The following BIN2 variants were observed in gnomAD, a reference collection of about 807,000 sequenced individuals.
BIN2 encodes breast cancer associated protein BRAP1.
In BIN2, 43 loss-of-function variants were observed where a neutral mutation model predicts 67.9. That is an observed-to-expected ratio of 0.63 (90% CI 0.50 to 0.82). BIN2 has a LOEUF of 0.82. Among genes scored for constraint, BIN2 ranks in the 40% least tolerant of loss-of-function variants. The pLI is 0.00. For synonymous variants in BIN2, 244 were observed against 246.8 expected (o/e 0.99, Z 0.11); for missense variants, 581 against 671.6 (o/e 0.87, Z 1.49).
intron 10 of BIN2, among the ~76,000 whole-genome samples, chr12:51,288,825 C>T (rs1945311430): frequency 6.6e-6 from 1 of 151,194 alleles, no homozygotes; most frequent in Non-Finnish European, 1.5e-5. Flanking sequence ...TCTTGGCTTA[C>T]TGCAACTTCT....
chr12:51,302,690 A>G lies in BIN2; in HGVS notation c.308T>C (p.Val103Ala), dbSNP rs760014450. 35 of 1,613,142 alleles carry G rather than the reference A, an allele frequency of 2.2e-5. No individual in the cohort carries two copies. Among genetic ancestry groups the G allele is most frequent in the Non-Finnish European group, 3.0e-5 (35 of 1,179,274 alleles). Residue 103 changes from valine to alanine, a missense_variant, in exon 4 of 13, where the codon GTA becomes GCA. Physicochemically the swap from Val to Ala is moderately conservative, Grantham distance 64. Transcript: ENST00000615107. ...TAAAACTCAAGCCACTCTTACCCATACGATGGCCTTCAGCTCCTCATGACC... is the reference window on the plus strand; with the variant it reads ...TAAAACTCAAGCCACTCTTACCCATGCGATGGCCTTCAGCTCCTCATGACC... ...WDGHEELKAI[V>A]WNNDLLWEDY...
chr12:51,319,684 T>C (rs926501801), intron 1 of BIN2, among the ~76,000 whole-genome samples: 14 of 152,316 alleles, frequency 9.2e-5, no homozygotes, highest in African/African-American at 3.4e-4. Context: ...TTGGTGAATC[T>C]GCATGAAAAA....
At chr12:51,301,139 A>C (rs1457360509) in intron 5 of BIN2, among the ~76,000 whole-genome samples, 1 of 151,936 alleles carries the variant, frequency 6.6e-6, no homozygotes, top group Non-Finnish European at 1.5e-5. Context: ...AATCCCTAGA[A>C]CCCGGGAGGC....
At chr12:51,298,226 G>A (rs1394871902) in intron 7 of BIN2, among the ~76,000 whole-genome samples, 1 of 152,186 alleles carries the variant, frequency 6.6e-6, no homozygotes, top group African/African-American at 2.4e-5. Context: ...CAAAAACTTA[G>A]CTGGACTTAG....
At chr12:51,304,569 G>A (rs961198828) in intron 2 of BIN2, among the ~76,000 whole-genome samples, 1 of 152,214 alleles carries the variant, frequency 6.6e-6, no homozygotes, top group African/African-American at 2.4e-5. Context: ...GAACTCTAGG[G>A]AGCCAGCCTA....
chr12:51,295,610 ATATATATATATATATATATATT>A, intron 9 of BIN2, among the ~76,000 whole-genome samples, 164 bp downstream of exon 9: 2 of 72,658 alleles, frequency 2.8e-5, no homozygotes, highest in African/African-American at 5.2e-5. Flanking sequence ...ATATATATAT[ATATATATATATATATATATATT>A]TAGTAAAAAG....
intron 11 of BIN2, among the ~76,000 whole-genome samples, chr12:51,287,134 T>C (rs575567830): frequency 2.0e-5 from 3 of 151,276 alleles, no homozygotes; most frequent in Admixed American, 2.0e-4. Flanking sequence ...TGCACCCAAA[T>C]CTTTTTATTA....
At chr12:51,282,421 C>T (rs527910431) in intron 12 of BIN2, among the ~76,000 whole-genome samples, 11 of 152,200 alleles carry the variant, frequency 7.2e-5, no homozygotes, top group African/African-American at 2.6e-4. Flanking sequence ...TTTATAACAT[C>T]ACAGCACAAC....
At position 51,315,468 on chromosome 12, in the gene BIN2, G is replaced by A. The variant is rs572419708; in HGVS notation, c.82-1565C>T. Among the ~76,000 whole-genome samples, 6 of 152,234 alleles carry A rather than the reference G, an allele frequency of 3.9e-5. No homozygotes were observed. The South Asian group carries it at 1.0e-3, about 26-fold the overall frequency. On this transcript the variant is annotated intron_variant, in intron 1 of 12. Coordinates refer to ENST00000615107, the MANE Select transcript of BIN2 (RefSeq NM_016293.4). ...ATTACAGGCGTGAGCCACTGCGCCC[G>A]GCCTGTTATTAATATTTAAAGTGGG... is the stretch of plus-strand genomic sequence containing the variant.
intron 1 of BIN2, among the ~76,000 whole-genome samples, chr12:51,315,032 T>A (rs1340934967): frequency 6.6e-6 from 1 of 151,870 alleles, no homozygotes; most frequent in Non-Finnish European, 1.5e-5. Flanking sequence ...TTTTAAAAAT[T>A]TTCTGTAGAG....
intron 2 of BIN2, among the ~76,000 whole-genome samples, chr12:51,312,572 C>T (rs1946021704): frequency 6.6e-6 from 1 of 152,098 alleles, no homozygotes; most frequent in Non-Finnish European, 1.5e-5. Flanking sequence ...GAATTTGTTT[C>T]ATAATAATCA....
In BIN2 at chr12:51,313,833, T is replaced by C. The variant is rs779172778; in HGVS notation, c.152A>G (p.Tyr51Cys). ...TACCCTCCAGATTACCTGTTGTTGG[T>C]AGAAGTTGCTAGCGCTTTGTTCAAA... ...ERFEQSASNF[Y>C]QQQAEGHKLY... is the part of the protein sequence containing the mutation. The change falls in exon 2 of 13, where the codon TAC (tyrosine) becomes TGC (cysteine). Residue 51 changes from tyrosine (Y) to cysteine (C), a missense_variant. Physicochemically the swap from Tyr to Cys is radical, Grantham distance 194. Transcript: ENST00000615107. 3.7e-6 allele frequency: 6 copies of C among 1,613,348 alleles called. No individual in the cohort carries two copies. In the African/African-American group the frequency reaches 6.7e-5, roughly 18 times the overall value.
rs763661034 is a variant in BIN2 at position 51,292,080 on chromosome 12, G to A, written c.1026C>T (p.Gly342=). 1.2e-6 allele frequency: 2 copies of A among 1,614,052 alleles called. No individual in the cohort carries two copies. Among genetic ancestry groups the A allele is most frequent in the African/African-American group, 1.3e-5 (1 of 74,928 alleles). ...TAGGAGAGGGCTGGGCCTGGGCGGGGCCATTGCAGGCTGGTAGAGGCTCAT... is the reference window on the plus strand; with the variant it reads ...TAGGAGAGGGCTGGGCCTGGGCGGGACCATTGCAGGCTGGTAGAGGCTCAT... The part of the protein sequence containing the change: ...EEDEPLPACN[G]PAQAQPSPTT... Residue 342 remains glycine (G), a synonymous_variant, in exon 10 of 13, where the codon GGC becomes GGT. Transcript: ENST00000615107.
At chr12:51,302,974 G>A in intron 3 of BIN2, 113 bp downstream of exon 3, 1 of 1,295,006 alleles carries the variant, frequency 7.7e-7, no homozygotes, top group Non-Finnish European at 1.1e-6. Flanking sequence ...GGAGTCAAGA[G>A]TAGTCAAATG....
intron 11 of BIN2, 110 bp from the exon 12 acceptor site, chr12:51,284,897 A>G: frequency 2.5e-6 from 2 of 785,592 alleles, no homozygotes; most frequent in Middle Eastern, 2.4e-4. Context: ...TATTTGTACT[A>G]TTACAAAGGG....
chr12:51,314,305 C>T (rs1168625212), intron 1 of BIN2, among the ~76,000 whole-genome samples: 2 of 152,006 alleles, frequency 1.3e-5, no homozygotes, highest in African/African-American at 4.8e-5. Flanking sequence ...GCCTTGGCCT[C>T]GCAAAGTGCT....
intron 2 of BIN2, among the ~76,000 whole-genome samples, chr12:51,312,008 G>A (rs1361860200): frequency 6.6e-6 from 1 of 152,116 alleles, no homozygotes; most frequent in Non-Finnish European, 1.5e-5. Flanking sequence ...CTGACCTCAG[G>A]TGATCTGCCC....
In BIN2 at chr12:51,291,779, C is replaced by T. The variant is rs1945386703; in HGVS notation, c.1327G>A (p.Gly443Ser). 3 of 1,613,408 alleles carry T rather than the reference C, an allele frequency of 1.9e-6. No individual in the cohort carries two copies. Among genetic ancestry groups the T allele is most frequent in the Non-Finnish European group, 2.5e-6 (3 of 1,179,722 alleles). The stretch of plus-strand genomic sequence containing the variant: ...GAGGCCCTAGGGCTGGTGGGTGAAC[C>T]CCCTCCAGAGGCTGTAGGGCTGGAA... ...IPSSPTASGG[G>S]SPTSPRASLG... Residue 443 changes from glycine to serine, a missense_variant, in exon 10 of 13, where the codon GGT (glycine) becomes AGT (serine). Coordinates refer to ENST00000615107, the MANE Select transcript of BIN2 (RefSeq NM_016293.4).
intron 5 of BIN2, among the ~76,000 whole-genome samples, chr12:51,300,165 C>T (rs1388247187): frequency 2.0e-5 from 3 of 152,082 alleles, no homozygotes; most frequent in Admixed American, 6.6e-5. Context: ...TAGGGTTTTG[C>T]GCCCATGGGG....
Sources: gnomAD v4.1 joint callset for allele counts (sites outside exome capture counted in the v4.1 genomes callset) on GRCh38, gnomAD v4.1.1 for gene constraint, MANE v1.5 for transcripts, NCBI Gene and HGNC (gene_info 2026-07-23, HGNC 2026-07-21) for gene names.